The following ATF7IP variants were observed in gnomAD, a reference collection of about 807,000 sequenced individuals.
ATF7IP encodes activating transcription factor 7-interacting protein 1.
A neutral mutation model predicts 106.4 loss-of-function variants in ATF7IP; 23 were observed. That is an observed-to-expected ratio of 0.22 (90% CI 0.16 to 0.31). The LOEUF is 0.31. Among genes scored for constraint, ATF7IP ranks in the 10% least tolerant of loss-of-function variants. The pLI, the probability that ATF7IP is intolerant of heterozygous loss-of-function variation, is 1.00. For synonymous variants in ATF7IP, 542 were observed against 539.0 expected, an observed-to-expected ratio of 1.01 and a Z score of -0.08; for missense variants, 1,334 against 1,524.3, an observed-to-expected ratio of 0.88 and a Z score of 2.08.
In ATF7IP at chr12:14,478,406, C is replaced by A. The variant is rs143106717; in HGVS notation, c.3031C>A (p.Pro1011Thr). 3 of 1,613,962 alleles carry A rather than the reference C, an allele frequency of 1.9e-6. No individual in the cohort carries two copies. The highest frequency in any genetic ancestry group is 2.7e-5 in the African/African-American group (2 of 74,922). Residue 1011 changes from proline (P) to threonine (T), a missense_variant, in exon 12 of 15, where the codon CCT (proline) becomes ACT (threonine). Physicochemically the swap from Pro to Thr is conservative, Grantham distance 38. Transcript: ENST00000261168. ...RPLQPIQPAP[P>T]LQPSGVPTSG... ...ATTGCAACCCATACAACCAGCACCGCCTCTTCAACCATCTGGGGTGCCAAC... is the reference window on the plus strand; with the variant it reads ...ATTGCAACCCATACAACCAGCACCGACTCTTCAACCATCTGGGGTGCCAAC...
Position 14,425,059 on chromosome 12 carries a change from G to A in ATF7IP, c.1144G>A (p.Gly382Arg), listed in dbSNP as rs1306753750. ...EEDIITELAL[G>R]EDAISSSMEI... ...AGATATTATCACAGAGCTTGCTCTTGGAGAAGATGCTATATCTAGCAGTAT... is the reference window on the plus strand; with the variant it reads ...AGATATTATCACAGAGCTTGCTCTTAGAGAAGATGCTATATCTAGCAGTAT... The change falls in exon 2 of 15, where the codon GGA becomes AGA. Residue 382 changes from glycine (G) to arginine (R), a missense_variant. Physicochemically the swap from Gly to Arg is moderately radical, Grantham distance 125 (BLOSUM62 -2). Around this residue, in one of 10 missense-constraint regions of ATF7IP, gnomAD observed 438 missense variants for 405.3 expected, o/e 1.08. Transcript: ENST00000261168. 3 of 1,604,130 alleles carry A rather than the reference G, an allele frequency of 1.9e-6. No homozygotes were observed. The highest frequency in any genetic ancestry group is 2.5e-6 in the Non-Finnish European group (3 of 1,177,384).
rs994861206 is a variant in ATF7IP, at chr12:14,501,947, A to G, written c.*3874A>G. 6.6e-6 allele frequency: 1 copy of G among 152,198 alleles called. No individual in the cohort carries two copies. Among genetic ancestry groups the G allele is most frequent in the Non-Finnish European group, 1.5e-5 (1 of 68,018 alleles). The allele number at this position is 152,198 out of a possible 1,614,324, so 9.4% of individuals were successfully genotyped here. A position where few individuals can be genotyped will look rare whatever the true frequency, so the allele number is the denominator to read the frequency against. On this transcript the variant is annotated 3_prime_UTR_variant, in exon 15 of 15. Coordinates refer to ENST00000261168, the MANE Select transcript of ATF7IP (RefSeq NM_018179.5). ...TATCTTGTTTCATGAACTTTCCAGT[A>G]CTGTACAAGGTCAACAAAGTAATGC...
chr12:14,384,521 T>G (rs1171253767), intron 1 of ATF7IP, among the ~76,000 whole-genome samples: 1 of 152,214 alleles, frequency 6.6e-6, no homozygotes, highest in Non-Finnish European at 1.5e-5. Context: ...GAGGTCTTTG[T>G]CAGGGCATGA....
intron 1 of ATF7IP, chr12:14,384,951 C>G (rs532664261): frequency 2.0e-5 from 3 of 149,840 alleles, no homozygotes; most frequent in African/African-American, 7.5e-5. Flanking sequence ...TTCTTTCAAG[C>G]GAATTCCCTG....
At chr12:14,385,736 A>G (rs1035136074) in intron 1 of ATF7IP, among the ~76,000 whole-genome samples, 1 of 151,966 alleles carries the variant, frequency 6.6e-6, no homozygotes, top group Non-Finnish European at 1.5e-5. Flanking sequence ...AAAACAATAT[A>G]TTATCTGAAT....
intron 3 of ATF7IP, 147 bp downstream of exon 3, chr12:14,434,570 C>T (rs1414007813): frequency 1.7e-6 from 1 of 589,716 alleles, no homozygotes; most frequent in East Asian, 3.3e-5. Flanking sequence ...TGATGGCTAA[C>T]TGAAGGATTT....
At chr12:14,396,333 T>C (rs1939839789) in intron 1 of ATF7IP, among the ~76,000 whole-genome samples, 1 of 152,136 alleles carries the variant, frequency 6.6e-6, no homozygotes, top group African/African-American at 2.4e-5. Flanking sequence ...GCTACATAGT[T>C]GTATACTTTA....
At chr12:14,395,581 C>A (rs756957210) in intron 1 of ATF7IP, among the ~76,000 whole-genome samples, 10 of 152,046 alleles carry the variant, frequency 6.6e-5, no homozygotes, top group Non-Finnish European at 1.3e-4. Flanking sequence ...TAGTCTGTTA[C>A]TATATTCTCA....
intron 1 of ATF7IP, among the ~76,000 whole-genome samples, chr12:14,392,676 G>A (rs1331875972): frequency 6.6e-6 from 1 of 152,142 alleles, no homozygotes; most frequent in East Asian, 1.9e-4. Flanking sequence ...TGAATGCTGT[G>A]GGGTAGGGTA....
At chr12:14,490,456 C>T (rs1464187995) in intron 13 of ATF7IP, among the ~76,000 whole-genome samples, 1 of 152,178 alleles carries the variant, frequency 6.6e-6, no homozygotes, top group Non-Finnish European at 1.5e-5. Context: ...TCTATATAAT[C>T]ACACATCTAG....
intron 13 of ATF7IP, among the ~76,000 whole-genome samples, chr12:14,486,259 G>A (rs925718309): frequency 2.0e-5 from 3 of 152,216 alleles, no homozygotes; most frequent in African/African-American, 7.2e-5. Context: ...GGACCACAAT[G>A]ATGCTTTGGG....
intron 1 of ATF7IP, among the ~76,000 whole-genome samples, chr12:14,368,409 A>T (rs190051064): frequency 5.9e-5 from 9 of 152,252 alleles, no homozygotes; most frequent in Non-Finnish European, 1.2e-4. Flanking sequence ...AACACATTTT[A>T]AAATGGTTAC....
At chr12:14,473,273 G>GCA (rs1565542468) in intron 10 of ATF7IP, among the ~76,000 whole-genome samples, 6 of 28,658 alleles carry the variant, frequency 2.1e-4, no homozygotes, top group African/African-American at 1.2e-3. Flanking sequence ...GCTTTTTAGC[G>GCA]CGCTCTCTCT....
intron 1 of ATF7IP, among the ~76,000 whole-genome samples, chr12:14,387,856 C>G (rs958726768): frequency 1.3e-5 from 2 of 152,020 alleles, no homozygotes; most frequent in African/African-American, 4.8e-5. Context: ...TTTTGTTTAC[C>G]CTTTTTCATG....
intron 2 of ATF7IP, among the ~76,000 whole-genome samples, chr12:14,427,904 A>G (rs1941938608): frequency 6.6e-6 from 1 of 152,164 alleles, no homozygotes; most frequent in Admixed American, 6.5e-5. Context: ...TGTAAAGTGA[A>G]TGAATAATCA....
intron 1 of ATF7IP, among the ~76,000 whole-genome samples, chr12:14,377,492 A>C (rs1052276112): frequency 6.6e-6 from 1 of 151,174 alleles, no homozygotes; most frequent in African/African-American, 2.4e-5. Context: ...AGTAGCTGGG[A>C]CTACAGGCAC....
intron 6 of ATF7IP, among the ~76,000 whole-genome samples, chr12:14,454,172 C>CT (rs1207088974): frequency 6.6e-6 from 1 of 152,062 alleles, no homozygotes; most frequent in African/African-American, 2.4e-5. Context: ...CCTCTAACAC[C>CT]TTTTTTTGGC....
chr12:14,480,017 GTT>G (rs1944384455), intron 12 of ATF7IP, among the ~76,000 whole-genome samples: 1 of 152,038 alleles, frequency 6.6e-6, no homozygotes, highest in African/African-American at 2.4e-5. Flanking sequence ...AAAAATAAAT[GTT>G]CTTTCTTGTT....
chr12:14,385,204 T>TGGGA (rs1939163606), intron 1 of ATF7IP: 1 of 494,658 alleles, frequency 2.0e-6, no homozygotes, highest in Non-Finnish European at 3.6e-6. Flanking sequence ...GCTGACAAAG[T>TGGGA]GGGAGGGGCT....
Sources: gnomAD v4.1 joint callset for allele counts (sites outside exome capture counted in the v4.1 genomes callset) on GRCh38, gnomAD v4.1.1 for gene constraint, gnomAD v4.1.1 regional missense constraint, MANE v1.5 for transcripts, NCBI Gene and HGNC (gene_info 2026-07-23, HGNC 2026-07-21) for gene names.